RABGAP1L: variants seen among roughly 807,000 people sequenced by gnomAD.
RABGAP1L encodes rab GTPase-activating protein 1-like.
RABGAP1L carries 63 observed loss-of-function variants against 137.7 expected under a neutral mutation model. That is an observed-to-expected ratio of 0.46 (90% CI 0.37 to 0.56). The LOEUF (loss-of-function observed/expected upper bound fraction) is 0.56, where lower values mean the gene tolerates loss of function less well. RABGAP1L is among the 20% of genes least tolerant of loss of function. RABGAP1L has a pLI of 0.00. For missense variants in RABGAP1L, 1,095 were observed against 1,244.0 expected (o/e 0.88, Z 1.80); for synonymous variants, 431 against 433.7 (o/e 0.99, Z 0.08).
chr1:174,898,299 A>C (rs918934723), intron 19 of RABGAP1L, among the ~76,000 whole-genome samples: 1 of 152,226 alleles, frequency 6.6e-6, no homozygotes, highest in Non-Finnish European at 1.5e-5. Flanking sequence ...ACAGTGCTGG[A>C]AAATGGTAAA....
chr1:174,409,467 G>A (rs1261637410), intron 13 of RABGAP1L, among the ~76,000 whole-genome samples: 3 of 152,070 alleles, frequency 2.0e-5, no homozygotes, highest in African/African-American at 7.2e-5. Flanking sequence ...ACGTGTGTTT[G>A]AACAATATGA....
intron 13 of RABGAP1L, among the ~76,000 whole-genome samples, chr1:174,575,629 C>T (rs1668315729): frequency 1.3e-5 from 2 of 152,134 alleles, no homozygotes; most frequent in South Asian, 2.1e-4. Flanking sequence ...GCATTGCTCC[C>T]TTGTTTGTGA....
At chr1:174,924,359 T>C (rs1233810635) in intron 19 of RABGAP1L, among the ~76,000 whole-genome samples, 1 of 119,078 alleles carries the variant, frequency 8.4e-6, no homozygotes, top group African/African-American at 3.5e-5. Flanking sequence ...TGCACTCCAA[T>C]GTGGTGACAG....
chr1:174,665,749 G>A (rs1676744551), intron 14 of RABGAP1L, among the ~76,000 whole-genome samples: 1 of 152,194 alleles, frequency 6.6e-6, no homozygotes, highest in Non-Finnish European at 1.5e-5. Context: ...ACTGGCGTGA[G>A]CCACTGTGCC....
chr1:174,430,414 G>T (rs538287242), intron 13 of RABGAP1L, among the ~76,000 whole-genome samples: 5 of 151,990 alleles, frequency 3.3e-5, no homozygotes, highest in African/African-American at 1.2e-4. Context: ...GCACCCTCAT[G>T]ATTTTGTTTT....
intron 13 of RABGAP1L, among the ~76,000 whole-genome samples, chr1:174,598,712 A>G (rs1670177842): frequency 6.6e-6 from 1 of 152,046 alleles, no homozygotes; most frequent in Non-Finnish European, 1.5e-5. Flanking sequence ...ATCTGATATA[A>G]GTGTAGCTAC....
chr1:174,330,135 TTATC>T (rs1390101168), intron 11 of RABGAP1L, among the ~76,000 whole-genome samples: 1 of 152,092 alleles, frequency 6.6e-6, no homozygotes, highest in African/African-American at 2.4e-5. Context: ...GACAATATGA[TTATC>T]TATACAGAAA....
intron 11 of RABGAP1L, among the ~76,000 whole-genome samples, chr1:174,349,164 A>C (rs1571336911): frequency 1.0e-5 from 1 of 99,010 alleles, no homozygotes; most frequent in Admixed American, 1.0e-4. Context: ...CTCACTTCCC[A>C]GTAGGGGCGG....
At chr1:174,245,068 A>T (rs971802661) in intron 5 of RABGAP1L, 5 of 152,216 alleles carry the variant, frequency 3.3e-5, no homozygotes. Flanking sequence ...TGTTCCTTGC[A>T]TGGGAAAATT....
intron 19 of RABGAP1L, among the ~76,000 whole-genome samples, chr1:174,823,829 A>C (rs1346397504): frequency 6.6e-6 from 1 of 152,184 alleles, no homozygotes; most frequent in East Asian, 1.9e-4. Context: ...AAATATGTAC[A>C]ATTATTATGT....
intron 13 of RABGAP1L, among the ~76,000 whole-genome samples, chr1:174,465,107 C>A (rs999647965): frequency 6.6e-6 from 1 of 152,142 alleles, no homozygotes; most frequent in Non-Finnish European, 1.5e-5. Context: ...GCTTTTCTGG[C>A]ACATGAAAAC....
At chr1:174,599,087 G>T (rs756497638) in intron 13 of RABGAP1L, among the ~76,000 whole-genome samples, 9 of 140,860 alleles carry the variant, frequency 6.4e-5, no homozygotes, top group Non-Finnish European at 1.4e-4. Context: ...TGCCATTTTT[G>T]TGTGTTTGTA....
chr1:174,713,316 T>G (rs1680731671), intron 17 of RABGAP1L, among the ~76,000 whole-genome samples: 1 of 152,178 alleles, frequency 6.6e-6, no homozygotes, highest in Admixed American at 6.5e-5. Context: ...CTCTGGACAA[T>G]TTATAATTGA....
chr1:174,841,304 G>T (rs1470333454), intron 19 of RABGAP1L, among the ~76,000 whole-genome samples: 2 of 152,060 alleles, frequency 1.3e-5, no homozygotes. Context: ...TGCAATAAAA[G>T]TAGAACTTAG....
intron 11 of RABGAP1L, among the ~76,000 whole-genome samples, chr1:174,347,471 TTGTGTGTGTGTG>T (rs146114359): frequency 4.3e-4 from 18 of 42,146 alleles, no homozygotes; most frequent in Non-Finnish European, 6.4e-4. Flanking sequence ...TGACCCCTCT[TTGTGTGTGTGTG>T]TGTGTGTGTG....
intron 13 of RABGAP1L, among the ~76,000 whole-genome samples, chr1:174,632,406 A>G (rs1177064251): frequency 1.4e-4 from 21 of 148,170 alleles, no homozygotes; most frequent in Middle Eastern, 3.5e-3. Context: ...TCTTTGTGGC[A>G]TTCTCTGTAT....
chr1:174,622,823 G>T (rs182695473), intron 13 of RABGAP1L, among the ~76,000 whole-genome samples: 3 of 152,320 alleles, frequency 2.0e-5, no homozygotes, highest in African/African-American at 7.2e-5. Flanking sequence ...CCTGCACGTT[G>T]TGCACATGTA....
Position 174,437,873 on chromosome 1 carries a change from G to A in RABGAP1L, c.1710+43728G>A, listed in dbSNP as rs538944849. Among the ~76,000 whole-genome samples, 367 of 152,236 alleles carry A rather than the reference G, an allele frequency of 2.4e-3. 2 individuals are homozygous for A. The highest frequency in any genetic ancestry group is 7.9e-3 in the African/African-American group (330 of 41,534). ...CCATCAGACTAACAGCTGATCTCTC[G>A]GCAGAAACCCTACAAGCCAGAAGAG... is the stretch of plus-strand genomic sequence containing the variant. On this transcript the variant is annotated intron_variant, in intron 13 of 25. Transcript: ENST00000681986.
chr1:174,713,499 G>A (rs1490716918), intron 17 of RABGAP1L, among the ~76,000 whole-genome samples: 3 of 152,162 alleles, frequency 2.0e-5, no homozygotes, highest in Non-Finnish European at 2.9e-5. Flanking sequence ...CAATGAGTGA[G>A]TTCTTATTCT....
Sources: gnomAD v4.1 joint callset for allele counts (sites outside exome capture counted in the v4.1 genomes callset) on GRCh38, gnomAD v4.1.1 for gene constraint, MANE v1.5 for transcripts, NCBI Gene and HGNC (gene_info 2026-07-23, HGNC 2026-07-21) for gene names.